Variants in GRIN2B observed in about 807,000 individuals in gnomAD.
GRIN2B encodes the protein glutamate ionotropic receptor NMDA type subunit 2B, also known as glutamate receptor ionotropic, NMDA 2B.
GRIN2B carries 5 observed loss-of-function variants against 114.5 expected under a neutral mutation model. That is an observed-to-expected ratio of 0.04 (90% CI 0.02 to 0.09). The LOEUF (loss-of-function observed/expected upper bound fraction) is 0.09. Ranked by LOEUF, GRIN2B falls within the 10% of genes least tolerant of loss-of-function variation. GRIN2B has a pLI of 1.00. For synonymous variants in GRIN2B, 787 were observed against 745.1 expected (o/e 1.06, Z -0.92); for missense variants, 1,108 against 1,943.5 (o/e 0.57, Z 8.08).
At chr12:13,796,485 C>T (rs1174769118) in intron 3 of GRIN2B, among the ~76,000 whole-genome samples, 1 of 152,210 alleles carries the variant, frequency 6.6e-6, no homozygotes, top group African/African-American at 2.4e-5. Context: ...AATCACCAGA[C>T]AAGCCTTTCC....
intron 4 of GRIN2B, among the ~76,000 whole-genome samples, chr12:13,751,388 G>A (rs1484105691): frequency 1.3e-5 from 2 of 152,194 alleles, no homozygotes; most frequent in African/African-American, 4.8e-5. Context: ...AGAACTTGGA[G>A]GAGGAAGATC....
intron 4 of GRIN2B, among the ~76,000 whole-genome samples, chr12:13,749,893 CAGA>C (rs772972848): frequency 1.4e-4 from 22 of 152,126 alleles, no homozygotes; most frequent in Admixed American, 3.3e-4. Flanking sequence ...ATTCAAGAAC[CAGA>C]AGAAGATGTA....
chr12:13,734,298 G>T (rs1483112041), intron 4 of GRIN2B, among the ~76,000 whole-genome samples: 1 of 152,186 alleles, frequency 6.6e-6, no homozygotes, highest in Non-Finnish European at 1.5e-5. Context: ...TCTGCAGGTG[G>T]CAAGAAAGGA....
chr12:13,623,368 A>G (rs1949536412), intron 5 of GRIN2B, among the ~76,000 whole-genome samples: 1 of 152,244 alleles, frequency 6.6e-6, no homozygotes, highest in South Asian at 2.1e-4. Flanking sequence ...AATGTTCTCA[A>G]TGGTGCCAGA....
At chr12:13,653,232 G>A (rs898884382) in intron 5 of GRIN2B, among the ~76,000 whole-genome samples, 2 of 152,050 alleles carry the variant, frequency 1.3e-5, no homozygotes, top group Admixed American at 6.6e-5. Flanking sequence ...TGCCAACATC[G>A]ATACAAGAGG....
chr12:13,807,709 C>CTTTTTTTTT (rs71067726), intron 3 of GRIN2B, among the ~76,000 whole-genome samples: 1 of 77,404 alleles, frequency 1.3e-5, no homozygotes, highest in African/African-American at 4.8e-5. Flanking sequence ...AAGCAGAAGG[C>CTTTTTTTTT]TTTTTTTTTT....
At chr12:13,937,668 C>T (rs183271356) in intron 2 of GRIN2B, among the ~76,000 whole-genome samples, 54 of 152,128 alleles carry the variant, frequency 3.5e-4, no homozygotes, top group African/African-American at 1.1e-3. Flanking sequence ...ATAAGATGTA[C>T]TGAAAATGGA....
chr12:13,865,652 A>G (rs920150757), intron 3 of GRIN2B, 146 bp downstream of exon 3: 3 of 790,508 alleles, frequency 3.8e-6, no homozygotes, highest in Admixed American at 3.4e-5. Flanking sequence ...GAGAGAAAAA[A>G]AAAGGATTAA....
At chr12:13,847,912 T>C (rs1865496486) in intron 3 of GRIN2B, among the ~76,000 whole-genome samples, 1 of 152,114 alleles carries the variant, frequency 6.6e-6, no homozygotes, top group Non-Finnish European at 1.5e-5. Flanking sequence ...TGGACTTCCC[T>C]CCTCTGCCAG....
intron 2 of GRIN2B, among the ~76,000 whole-genome samples, chr12:13,926,415 C>T (rs1171128916): frequency 6.6e-6 from 1 of 152,100 alleles, no homozygotes; most frequent in African/African-American, 2.4e-5. Flanking sequence ...GCTTTCCTCC[C>T]GGGAGCAGAA....
chr12:13,782,112 C>T (rs771750771), intron 3 of GRIN2B, among the ~76,000 whole-genome samples: 5 of 152,120 alleles, frequency 3.3e-5, no homozygotes, highest in Non-Finnish European at 7.3e-5. Context: ...TGAGGTTGAA[C>T]GTAAAACGGT....
At chr12:13,580,899 A>G (rs1653312566) in intron 10 of GRIN2B, among the ~76,000 whole-genome samples, 1 of 152,210 alleles carries the variant, frequency 6.6e-6, no homozygotes, top group Non-Finnish European at 1.5e-5. Context: ...CTAAAACGTC[A>G]TATAAATGGA....
At chr12:13,603,137 C>T (rs1335144456) in intron 10 of GRIN2B, among the ~76,000 whole-genome samples, 1 of 152,158 alleles carries the variant, frequency 6.6e-6, no homozygotes, top group Non-Finnish European at 1.5e-5. Context: ...AGGCTAAAGT[C>T]AATTTGAGGG....
At chr12:13,673,261 G>A (rs1950040047) in intron 5 of GRIN2B, among the ~76,000 whole-genome samples, 2 of 152,152 alleles carry the variant, frequency 1.3e-5, no homozygotes, top group African/African-American at 4.8e-5. Context: ...ATCATGACAT[G>A]TACAGGGGAC....
In GRIN2B at chr12:13,553,631, T is replaced by C; in HGVS notation, c.*9152A>G. 6.6e-6 allele frequency: 1 copy of C among 152,188 alleles called. No individual in the cohort carries two copies. The highest frequency in any genetic ancestry group is 1.9e-4 in the East Asian group (1 of 5,172). 9.4% of individuals were successfully genotyped at this position (152,188 alleles called of 1,614,324 possible). On this transcript the variant is annotated 3_prime_UTR_variant, in exon 14 of 14. Transcript: ENST00000609686. Reference sequence around the variant, plus strand: ...GGGGTCTACAAGGCTGTGTGATTAGTGAGCCAGAACTGTGACAAGGTTCTT... The same window carrying C: ...GGGGTCTACAAGGCTGTGTGATTAGCGAGCCAGAACTGTGACAAGGTTCTT...
chr12:13,861,729 C>T (rs1202865739), intron 3 of GRIN2B, among the ~76,000 whole-genome samples: 1 of 152,124 alleles, frequency 6.6e-6, no homozygotes, highest in Admixed American at 6.5e-5. Context: ...CAGAGCCTTC[C>T]CCCAGATTTT....
chr12:13,767,500 T>C (rs1863819894), intron 3 of GRIN2B, among the ~76,000 whole-genome samples: 1 of 152,214 alleles, frequency 6.6e-6, no homozygotes, highest in Non-Finnish European at 1.5e-5. Flanking sequence ...TAAGTGGATA[T>C]ACACTAGCAA....
At chr12:13,785,665 C>T (rs561875327) in intron 3 of GRIN2B, among the ~76,000 whole-genome samples, 9 of 152,288 alleles carry the variant, frequency 5.9e-5, no homozygotes, top group East Asian at 1.9e-4. Flanking sequence ...ATAACACCAA[C>T]GACAATATTA....
chr12:13,888,683 G>A (rs1012999647), intron 2 of GRIN2B, among the ~76,000 whole-genome samples: 3 of 151,188 alleles, frequency 2.0e-5, no homozygotes, highest in Admixed American at 6.6e-5. Flanking sequence ...GTAGAGAGCC[G>A]AGATCGCACC....
Sources: allele counts gnomAD v4.1 joint callset (sites outside exome capture counted in the v4.1 genomes callset), GRCh38; gene constraint gnomAD v4.1.1; transcripts MANE v1.5; gene names NCBI Gene and HGNC (gene_info 2026-07-23, HGNC 2026-07-21).